The following APBA2 variants were observed in gnomAD, a reference collection of about 807,000 sequenced individuals.
APBA2 encodes amyloid beta precursor protein binding family A member 2, also known as amyloid-beta A4 precursor protein-binding family A member 2.
APBA2 carries 30 observed loss-of-function variants against 75.0 expected under a neutral mutation model. The observed-to-expected ratio is 0.40, with a 90% CI of 0.30 to 0.54. The LOEUF (loss-of-function observed/expected upper bound fraction) is 0.54, where lower values mean the gene tolerates loss of function less well. Among genes scored for constraint, APBA2 ranks in the 20% least tolerant of loss-of-function variants. APBA2 has a pLI of 0.49. For synonymous variants in APBA2, 444 were observed against 409.6 expected (o/e 1.08, Z -1.01); for missense variants, 801 against 1,016.1 (o/e 0.79, Z 2.88).
intron 2 of APBA2, among the ~76,000 whole-genome samples, chr15:28,972,010 C>T (rs2037094992): frequency 1.3e-5 from 2 of 152,142 alleles, no homozygotes. Context: ...CATGAGCCAG[C>T]TCTTCATAAA....
At chr15:29,051,594 C>G (rs1485863660) in intron 3 of APBA2, among the ~76,000 whole-genome samples, 3 of 152,190 alleles carry the variant, frequency 2.0e-5, no homozygotes, top group Non-Finnish European at 4.4e-5. Context: ...AAATAATTAT[C>G]TCCTTCTTCG....
chr15:29,073,110 G>A (rs1023092643), intron 4 of APBA2, among the ~76,000 whole-genome samples: 1 of 152,130 alleles, frequency 6.6e-6, no homozygotes, highest in African/African-American at 2.4e-5. Context: ...GGGAGGGTGG[G>A]CCCAGATCCT....
chr15:28,893,615 G>A (rs1219510098), intron 1 of APBA2, among the ~76,000 whole-genome samples: 2 of 152,218 alleles, frequency 1.3e-5, no homozygotes, highest in Admixed American at 6.5e-5. Flanking sequence ...CATGTATTGT[G>A]AAGATTCTGC....
chr15:29,067,382 G>A (rs537245475), intron 4 of APBA2, among the ~76,000 whole-genome samples: 79 of 152,184 alleles, frequency 5.2e-4, no homozygotes, highest in Non-Finnish European at 9.7e-4. Context: ...TGGACCTGGC[G>A]TGTGTGGTCG....
intron 14 of APBA2, among the ~76,000 whole-genome samples, chr15:29,116,301 A>G (rs1248046350): frequency 6.6e-6 from 1 of 152,120 alleles, no homozygotes. Flanking sequence ...CCCAGCCCCC[A>G]GCACACTTTC....
In APBA2 at chr15:29,054,763, C is replaced by A. The variant is rs748911694; in HGVS notation, c.879C>A (p.Pro293=). The change falls in exon 4 of 15, where the codon CCC becomes CCA. Residue 293 remains proline (P), a synonymous_variant. Transcript: ENST00000683413. This position sits in a 1 kb window ranked among gnomAD's most constrained non-coding sequence, Gnocchi z 6.1. ...SLNLLPEAKH[P]GDPQRGFKPK... is the part of the protein sequence containing the mutation. Reference sequence around the variant, plus strand: ...ACCTCCTTCCCGAGGCCAAGCACCCCGGAGACCCCCAGAGAGGCTTCAAGC... The same window carrying A: ...ACCTCCTTCCCGAGGCCAAGCACCCAGGAGACCCCCAGAGAGGCTTCAAGC... 3 of 1,607,098 alleles carry A rather than the reference C, an allele frequency of 1.9e-6. No homozygotes were observed. Among genetic ancestry groups the A allele is most frequent in the Non-Finnish European group, 1.7e-6 (2 of 1,179,944 alleles).
chr15:29,068,152 A>G (rs915095716), intron 4 of APBA2, among the ~76,000 whole-genome samples: 7 of 152,226 alleles, frequency 4.6e-5, no homozygotes, highest in Non-Finnish European at 1.0e-4. Context: ...TCACAGGTCA[A>G]GCCTTCTGGG....
chr15:29,063,398 T>C (rs2042232599), intron 4 of APBA2, among the ~76,000 whole-genome samples: 1 of 119,962 alleles, frequency 8.3e-6, no homozygotes, highest in African/African-American at 3.0e-5. Flanking sequence ...GTGCGGGGAG[T>C]TGATCTGGTC....
intron 2 of APBA2, among the ~76,000 whole-genome samples, chr15:28,965,665 A>G (rs1051766431): frequency 2.0e-5 from 3 of 152,152 alleles, no homozygotes; most frequent in Non-Finnish European, 4.4e-5. Context: ...TTTTTATTTT[A>G]TATAGATCCT....
intron 1 of APBA2, among the ~76,000 whole-genome samples, chr15:28,911,541 A>C (rs1478721016): frequency 6.6e-6 from 1 of 152,038 alleles, no homozygotes; most frequent in African/African-American, 2.4e-5. Flanking sequence ...TTGTCCCCCA[A>C]TCTCATTTAC....
At position 29,054,536 on chromosome 15, in the gene APBA2, G is replaced by T; in HGVS notation, c.652G>T (p.Asp218Tyr). 6.2e-7 allele frequency: 1 copy of T among 1,613,552 alleles called. No individual in the cohort carries two copies. Among genetic ancestry groups the T allele is most frequent in the East Asian group, 2.2e-5 (1 of 44,858 alleles). ...SPYRLRRGDG[D>Y]LEDQEEDIDQ... ...CTACCGCCTGAGGCGTGGGGATGGG[G>T]ACCTGGAGGACCAGGAGGAGGACAT... The change falls in exon 4 of 15, where the codon GAC becomes TAC. Residue 218 changes from aspartate to tyrosine, a missense_variant. Asp to Tyr is a radical substitution (Grantham distance 160, BLOSUM62 -3). Transcript: ENST00000683413. The surrounding 1 kb of genome is among the most constrained non-coding windows in gnomAD (Gnocchi z 6.1).
chr15:28,913,384 C>T (rs1341030128), intron 1 of APBA2, among the ~76,000 whole-genome samples: 2 of 152,208 alleles, frequency 1.3e-5, no homozygotes, highest in African/African-American at 4.8e-5. Flanking sequence ...CACCACTGCA[C>T]CTGCCGCCTT....
intron 6 of APBA2, among the ~76,000 whole-genome samples, chr15:29,080,053 A>G (rs939189917): frequency 4.6e-5 from 7 of 152,056 alleles, no homozygotes; most frequent in African/African-American, 1.7e-4. Context: ...CTGGACTTGG[A>G]CCCATGTCTT....
At chr15:29,052,323 G>C (rs934387684) in intron 3 of APBA2, among the ~76,000 whole-genome samples, 6 of 151,842 alleles carry the variant, frequency 4.0e-5, no homozygotes, top group African/African-American at 9.7e-5. Context: ...GGCATGGTGG[G>C]GGACACCTGT....
chr15:29,007,703 TACAAA>T (rs766075079), intron 3 of APBA2, among the ~76,000 whole-genome samples: 2 of 152,094 alleles, frequency 1.3e-5, no homozygotes, highest in African/African-American at 2.4e-5. Context: ...GGCCGGCTAT[TACAAA>T]ACAAAACAAA....
intron 2 of APBA2, among the ~76,000 whole-genome samples, chr15:28,980,223 C>G (rs537713266): frequency 4.5e-4 from 69 of 152,248 alleles, no homozygotes; most frequent in African/African-American, 1.6e-3. Flanking sequence ...AAAAAGTGAA[C>G]CTTCCTGAGC....
rs2041747473 is a variant in APBA2 at position 29,054,069 on chromosome 15, A to G, written c.185A>G (p.Glu62Gly). 1 of 1,614,038 alleles carries G rather than the reference A, an allele frequency of 6.2e-7. No individual in the cohort carries two copies. ...RPESPAPEEQ[E>G]CHNHSPDGDS... ...GAGAGCCCCGCGCCAGAGGAACAGG[A>G]GTGCCACAACCACAGCCCCGATGGG... The change falls in exon 4 of 15, where the codon GAG (glutamate) becomes GGG (glycine). Residue 62 changes from glutamate (E) to glycine (G), a missense_variant. Coordinates refer to ENST00000683413, the MANE Select transcript of APBA2 (RefSeq NM_001353788.2). This position sits in a 1 kb window ranked among gnomAD's most constrained non-coding sequence, Gnocchi z 6.1.
At chr15:28,950,314 G>A (rs897111913) in intron 2 of APBA2, among the ~76,000 whole-genome samples, 2 of 152,152 alleles carry the variant, frequency 1.3e-5, no homozygotes, top group African/African-American at 4.8e-5. Context: ...GGTAGCATGT[G>A]CCAGTTGCTC....
chr15:29,048,395 C>G (rs908482883), intron 3 of APBA2, among the ~76,000 whole-genome samples: 1 of 152,160 alleles, frequency 6.6e-6, no homozygotes, highest in African/African-American at 2.4e-5. Flanking sequence ...AAAGTTACTC[C>G]AGCCAAAATT....
Sources: gnomAD v4.1 joint callset for allele counts (sites outside exome capture counted in the v4.1 genomes callset) on GRCh38, gnomAD v4.1.1 for gene constraint, Gnocchi (gnomAD v3.1) non-coding constraint, MANE v1.5 for transcripts, NCBI Gene and HGNC (gene_info 2026-07-23, HGNC 2026-07-21) for gene names.